CIRSR: variants seen among roughly 807,000 people sequenced by gnomAD.
CIRSR encodes the protein CBF1 (RBPJ) interacting corepressor 1.
At chr2:174,395,611 G>A in the CIRSR span, 12 of 1,614,036 alleles carry the variant, frequency 7.4e-6, no homozygotes, top group Non-Finnish European at 1.0e-5. Context: ...AGTTGGCGAA[G>A]GATTTCCCCA....
chr2:174,354,662 A>ATT, the CIRSR span, among the ~76,000 whole-genome samples: 1 of 89,032 alleles, frequency 1.1e-5, no homozygotes, highest in Non-Finnish European at 2.1e-5. Context: ...TATATTATAT[A>ATT]ATATATATTA....
At chr2:174,363,102 T>A in the CIRSR span, among the ~76,000 whole-genome samples, 1 of 152,152 alleles carries the variant, frequency 6.6e-6, no homozygotes, top group Admixed American at 6.5e-5. Flanking sequence ...CAAGGGCAAC[T>A]ATGTCACCAT....
the CIRSR span, chr2:174,348,897 A>T: frequency 6.2e-7 from 1 of 1,614,154 alleles, no homozygotes. Context: ...TTCTTCATGA[A>T]GCTTTCTCTT....
At chr2:174,380,615 A>T in the CIRSR span, 2 of 1,566,164 alleles carry the variant, frequency 1.3e-6, no homozygotes, top group Admixed American at 3.4e-5. Context: ...AAACTTAATG[A>T]TACATATCTT....
At chr2:174,362,842 G>A in the CIRSR span, among the ~76,000 whole-genome samples, 1 of 152,006 alleles carries the variant, frequency 6.6e-6, no homozygotes, top group Non-Finnish European at 1.5e-5. Context: ...CCATTGGTAG[G>A]AATACTTAGA....
chr2:174,380,699 CCTT>C, the CIRSR span: 3 of 1,612,522 alleles, frequency 1.9e-6, no homozygotes, highest in Admixed American at 1.7e-5. Flanking sequence ...TTCGGTCTCT[CCTT>C]CTGTTTCTTC....
At chr2:174,357,853 T>C in the CIRSR span, among the ~76,000 whole-genome samples, 4 of 152,212 alleles carry the variant, frequency 2.6e-5, no homozygotes, top group African/African-American at 9.6e-5. Context: ...ACAAAGCTAT[T>C]AATAAAGTGT....
chr2:174,353,745 C>T, the CIRSR span, among the ~76,000 whole-genome samples: 88,545 of 152,036 alleles, frequency 0.58, 28,447 homozygotes, highest in East Asian at 0.8. Flanking sequence ...GGATTACAGC[C>T]GTGAGCCACC....
At chr2:174,348,766 G>A in the CIRSR span, 2 of 1,614,108 alleles carry the variant, frequency 1.2e-6, no homozygotes, top group Non-Finnish European at 1.7e-6. Context: ...CTATGTTTAT[G>A]GGTTCTGGAC....
At chr2:174,364,608 T>G in the CIRSR span, among the ~76,000 whole-genome samples, 2 of 152,226 alleles carry the variant, frequency 1.3e-5, no homozygotes, top group African/African-American at 4.8e-5. Flanking sequence ...TCCATACATC[T>G]GAAATCTAGG....
At chr2:174,363,504 C>G in the CIRSR span, among the ~76,000 whole-genome samples, 2 of 152,186 alleles carry the variant, frequency 1.3e-5, no homozygotes, top group Non-Finnish European at 2.9e-5. Context: ...CCTGATACAC[C>G]ATGTCCAGCT....
At chr2:174,372,207 G>A in the CIRSR span, among the ~76,000 whole-genome samples, 100 of 152,250 alleles carry the variant, frequency 6.6e-4, no homozygotes, top group African/African-American at 2.1e-3. Context: ...TCTATGTACA[G>A]TTTTTAATTC....
At chr2:174,367,258 G>C in the CIRSR span, among the ~76,000 whole-genome samples, 7 of 152,036 alleles carry the variant, frequency 4.6e-5, no homozygotes, top group African/African-American at 1.7e-4. Context: ...AACATAATGA[G>C]AGCCTGTCTC....
chr2:174,354,731 T>C, the CIRSR span, among the ~76,000 whole-genome samples: 1 of 104,786 alleles, frequency 9.5e-6, no homozygotes, highest in Non-Finnish European at 1.8e-5. Flanking sequence ...TATTATATAA[T>C]ATATATTTTA....
the CIRSR span, among the ~76,000 whole-genome samples, chr2:174,356,560 A>AAGGAAAGG: frequency 7.0e-6 from 1 of 143,250 alleles, no homozygotes; most frequent in East Asian, 2.1e-4. Context: ...GGAAAGGAAG[A>AAGGAAAGG]AAGAAAGGAG....
At chr2:174,370,091 A>G in the CIRSR span, 7 of 1,331,498 alleles carry the variant, frequency 5.3e-6, no homozygotes, top group Middle Eastern at 4.2e-4. Context: ...TTCATCCACT[A>G]TCACTGCTGG....
chr2:174,348,935 ACT>A, the CIRSR span: 1 of 1,613,592 alleles, frequency 6.2e-7, no homozygotes. Context: ...CTTCAGAATC[ACT>A]GTTGTTATGC....
the CIRSR span, among the ~76,000 whole-genome samples, chr2:174,392,038 C>T: frequency 6.6e-6 from 1 of 152,118 alleles, no homozygotes; most frequent in Non-Finnish European, 1.5e-5. Context: ...CTCACTGTCA[C>T]CCAGGCTGGA....
the CIRSR span, chr2:174,378,692 G>C: frequency 2.0e-6 from 1 of 500,516 alleles, no homozygotes. Flanking sequence ...TTAGTTCATA[G>C]GGCCTTTGGC....
Sources: gnomAD v4.1 joint callset for allele counts (sites outside exome capture counted in the v4.1 genomes callset) on GRCh38, gnomAD v4.1.1 for gene constraint, MANE v1.5 for transcripts, NCBI Gene and HGNC (gene_info 2026-07-23, HGNC 2026-07-21) for gene names.